E2F7: variants seen among roughly 807,000 people sequenced by gnomAD.
E2F7 encodes the protein E2F transcription factor 7.
Under a neutral mutation model 81.1 loss-of-function variants are expected in E2F7, and 35 were observed. The ratio of observed to expected loss-of-function variants is 0.43; its 90% CI spans 0.33 to 0.57. E2F7 has a LOEUF of 0.57. E2F7 is among the 20% of genes least tolerant of loss of function. E2F7 has a pLI of 0.04. For missense variants in E2F7, 961 were observed against 1,093.7 expected (o/e 0.88, Z 1.71); for synonymous variants, 416 against 416.2 (o/e 1.00, Z 0.01).
At position 77,064,589 on chromosome 12, in the gene E2F7, T is replaced by G. The variant is rs1955102645; in HGVS notation, c.47A>C (p.Gln16Pro). Reference protein sequence around the residue: ...LTLKDLISPRQPRLDFAVEDG... With the variant: ...LTLKDLISPRPPRLDFAVEDG... ...TTCAACTGCAAAATCTAGTCTGGGC[T>G]GCCTGGGGCTGATCAGGTCTTTTAG... Residue 16 changes from glutamine (Q) to proline (P), a missense_variant, in exon 2 of 13, where the codon CAG becomes CCG. Gln to Pro is a moderately conservative substitution (Grantham distance 76). Transcript: ENST00000322886. 2 of 1,614,210 alleles carry G rather than the reference T, an allele frequency of 1.2e-6. No homozygotes were observed. Among genetic ancestry groups the G allele is most frequent in the East Asian group, 4.5e-5 (2 of 44,882 alleles).
In E2F7 at chr12:77,034,037, C is replaced by G. The variant is rs757067872; in HGVS notation, c.1129G>C (p.Glu377Gln). The change falls in exon 8 of 13, where the codon GAA becomes CAA. Residue 377 changes from glutamate to glutamine, a missense_variant. By Grantham distance (29) the Glu-to-Gln change is conservative (BLOSUM62 2). Around this residue, in one of 3 missense-constraint regions of E2F7, gnomAD observed 301 missense variants for 405.0 expected, o/e 0.74. Transcript: ENST00000322886. ...ACAGATGCAGAAACATCCACCAGTT[C>G]TTCATCTACATAAACGAGAGAATTG... ...GPVDFSSSDE[E>Q]LVDVSASVLP... 1.3e-5 allele frequency: 21 copies of G among 1,611,326 alleles called. No individual in the cohort carries two copies. The highest frequency in any genetic ancestry group is 1.8e-5 in the Non-Finnish European group (21 of 1,179,016).
chr12:77,055,710 A>G (rs1955026111), intron 3 of E2F7, 145 bp downstream of exon 3: 3 of 847,868 alleles, frequency 3.5e-6, no homozygotes, highest in Non-Finnish European at 5.1e-6. Flanking sequence ...ATAGAATGAG[A>G]ATTCTACTAC....
At chr12:77,044,479 A>T in intron 6 of E2F7, 158 bp downstream of exon 6, 1 of 867,190 alleles carries the variant, frequency 1.2e-6, no homozygotes, top group Non-Finnish European at 1.7e-6. Flanking sequence ...TAGGTGACTA[A>T]CTTACCTCTC....
intron 2 of E2F7, among the ~76,000 whole-genome samples, chr12:77,059,590 C>CA (rs1348011543): frequency 6.6e-6 from 1 of 152,172 alleles, no homozygotes; most frequent in Non-Finnish European, 1.5e-5. Flanking sequence ...TGCCAACAGT[C>CA]ATCCCATAAC....
intron 7 of E2F7, among the ~76,000 whole-genome samples, chr12:77,035,097 A>C (rs557468258): frequency 1.3e-5 from 2 of 152,342 alleles, no homozygotes; most frequent in East Asian, 3.9e-4. Context: ...TGAGACAGGA[A>C]TCAAATAGGG....
chr12:77,028,977 C>T (rs1160178572), intron 10 of E2F7, among the ~76,000 whole-genome samples: 2 of 152,118 alleles, frequency 1.3e-5, no homozygotes. Flanking sequence ...GGAAAACTGG[C>T]CATGGTGGTT....
intron 11 of E2F7, among the ~76,000 whole-genome samples, chr12:77,026,901 T>C (rs1954764349): frequency 6.6e-6 from 1 of 152,208 alleles, no homozygotes; most frequent in South Asian, 2.1e-4. Context: ...TATTTAATTC[T>C]ATGCATCCGT....
At chr12:77,042,944 A>C in intron 7 of E2F7, 121 bp downstream of exon 7, 1 of 1,458,810 alleles carries the variant, frequency 6.9e-7, no homozygotes, top group East Asian at 2.3e-5. Context: ...TGGAGTCACT[A>C]GTCTATTTTG....
intron 4 of E2F7, 76 bp downstream of exon 4, chr12:77,050,500 G>C: frequency 6.6e-7 from 1 of 1,514,618 alleles, no homozygotes; most frequent in Non-Finnish European, 9.0e-7. Context: ...TCTACTTCAA[G>C]CCTTCAGCCT....
chr12:77,029,682 C>T, intron 10 of E2F7, 149 bp downstream of exon 10: 1 of 1,298,262 alleles, frequency 7.7e-7, no homozygotes, highest in Non-Finnish European at 1.0e-6. Context: ...AGATTTTTGG[C>T]AGAGCCACTC....
intron 7 of E2F7, among the ~76,000 whole-genome samples, chr12:77,038,568 C>T (rs982301028): frequency 5.9e-5 from 9 of 152,008 alleles, no homozygotes; most frequent in African/African-American, 2.2e-4. Flanking sequence ...AATTGGAAGA[C>T]AATGAAAACA....
intron 5 of E2F7, 35 bp downstream of exon 5, chr12:77,046,003 C>T: frequency 1.3e-6 from 2 of 1,593,174 alleles, no homozygotes; most frequent in South Asian, 2.3e-5. Context: ...CTTGCTCTTT[C>T]TCTGCCATTA....
intron 2 of E2F7, among the ~76,000 whole-genome samples, chr12:77,058,140 C>A (rs546891026): frequency 1.3e-5 from 2 of 152,292 alleles, no homozygotes; most frequent in South Asian, 4.1e-4. Context: ...CAGAATGCTG[C>A]ATCTACCCAC....
chr12:77,027,829 C>T (rs961386135), intron 11 of E2F7, 54 bp downstream of exon 11: 8 of 1,582,706 alleles, frequency 5.1e-6, no homozygotes, highest in African/African-American at 1.4e-5. Context: ...TTTAAAAATC[C>T]AATTCTTGAT....
chr12:77,033,801 T>C, intron 8 of E2F7, 56 bp downstream of exon 8: 1 of 1,480,020 alleles, frequency 6.8e-7, no homozygotes, highest in South Asian at 1.4e-5. Flanking sequence ...TGCACTGGCA[T>C]GGGCTACAGC....
chr12:77,053,961 T>G (rs553848271), intron 3 of E2F7, among the ~76,000 whole-genome samples: 2 of 152,258 alleles, frequency 1.3e-5, no homozygotes, highest in South Asian at 4.1e-4. Flanking sequence ...CATGATCAAA[T>G]AGTCTATCAA....
At position 77,048,184 on chromosome 12, in the gene E2F7, G is replaced by A. The variant is rs114235961; in HGVS notation, c.539-1856C>T. Among the ~76,000 whole-genome samples the A allele has an allele frequency of 5.5e-3, 835 of 152,288 alleles. 5 individuals are homozygous for A. Among genetic ancestry groups the A allele is most frequent in the African/African-American group, 0.019 (801 of 41,554 alleles). ...ATCCCTTACCTCTTTCATCTGAACTGAGTTTACCCATCCACTGGCTGGTGC... is the reference window on the plus strand; with the variant it reads ...ATCCCTTACCTCTTTCATCTGAACTAAGTTTACCCATCCACTGGCTGGTGC... On this transcript the variant is annotated intron_variant, in intron 4 of 12. Transcript: ENST00000322886.
At position 77,028,018 on chromosome 12, in the gene E2F7, C is replaced by A. The variant is rs1173600571; in HGVS notation, c.2005G>T (p.Ala669Ser). Reference protein sequence around the residue: ...LPAAEEISGKATANSLVSSEW... With the variant: ...LPAAEEISGKSTANSLVSSEW... ...GAAGAAACAAGAGAGTTTGCTGTTG[C>A]CTTTCCTGAAATCTCTTCTGCAGCA... Residue 669 changes from alanine to serine, a missense_variant, in exon 11 of 13, where the codon GCA becomes TCA. Ala to Ser is a moderately conservative substitution (Grantham distance 99). Coordinates refer to ENST00000322886, the MANE Select transcript of E2F7 (RefSeq NM_203394.3). 1 of 1,614,162 alleles carries A rather than the reference C, an allele frequency of 6.2e-7. No homozygotes were observed. The highest frequency in any genetic ancestry group is 8.5e-7 in the Non-Finnish European group (1 of 1,180,030).
At chr12:77,056,199 C>T (rs976778338) in intron 2 of E2F7, 69 bp from the exon 3 acceptor site, 5 of 1,442,174 alleles carry the variant, frequency 3.5e-6, no homozygotes, top group Non-Finnish European at 3.7e-6. Flanking sequence ...ATACTTTGTT[C>T]CCACCATTCA....
Sources: allele counts gnomAD v4.1 joint callset (sites outside exome capture counted in the v4.1 genomes callset), GRCh38; gene constraint gnomAD v4.1.1; regional missense constraint gnomAD v4.1.1; transcripts MANE v1.5; gene names NCBI Gene and HGNC (gene_info 2026-07-23, HGNC 2026-07-21).